The following OPRM1 variants were observed in gnomAD, a reference collection of about 807,000 sequenced individuals.
The protein encoded by OPRM1 is mu-type opioid receptor.
Under a neutral mutation model 31.8 loss-of-function variants are expected in OPRM1, and 27 were observed. The observed-to-expected ratio is 0.85, with a 90% CI of 0.63 to 1.17. The LOEUF (loss-of-function observed/expected upper bound fraction) is 1.17, where lower values mean the gene tolerates loss of function less well. Among genes scored for constraint, OPRM1 ranks in the 50% most tolerant of loss-of-function variants. OPRM1 has a pLI of 0.00. For synonymous variants in OPRM1, 196 were observed against 189.9 expected, an observed-to-expected ratio of 1.03 and a Z score of -0.26; for missense variants, 536 against 511.1, an observed-to-expected ratio of 1.05 and a Z score of -0.47.
At chr6:154,073,197 C>G (rs532900929) in intron 1 of OPRM1, among the ~76,000 whole-genome samples, 3 of 152,252 alleles carry the variant, frequency 2.0e-5, no homozygotes, top group African/African-American at 7.2e-5. Flanking sequence ...ATATAAGCTG[C>G]AGGTAGTGGA....
intron 3 of OPRM1, among the ~76,000 whole-genome samples, chr6:154,139,393 C>T (rs1233771624): frequency 1.3e-5 from 2 of 152,138 alleles, no homozygotes; most frequent in Non-Finnish European, 2.9e-5. Flanking sequence ...AATGGTTTCC[C>T]TTTTGAAAAC....
At chr6:154,199,944 G>A (rs1013851697) in intron 3 of OPRM1, 3 of 1,614,102 alleles carry the variant, frequency 1.9e-6, no homozygotes, top group Admixed American at 1.7e-5. Flanking sequence ...AAGGAGGAAG[G>A]AAAACTGCTG....
intron 1 of OPRM1, among the ~76,000 whole-genome samples, chr6:154,020,806 A>G (rs150256740): frequency 2.4e-4 from 36 of 152,284 alleles, no homozygotes; most frequent in Admixed American, 7.2e-4. Context: ...ATTTTTTCAT[A>G]TGCTTATTTG....
intron 3 of OPRM1, among the ~76,000 whole-genome samples, chr6:154,151,815 A>G (rs1798506103): frequency 6.6e-6 from 1 of 152,048 alleles, no homozygotes; most frequent in South Asian, 2.1e-4. Context: ...TGACTGGAAA[A>G]ACAAGCAGAC....
intron 3 of OPRM1, among the ~76,000 whole-genome samples, chr6:154,241,460 G>A (rs1241505510): frequency 6.6e-6 from 1 of 152,088 alleles, no homozygotes; most frequent in African/African-American, 2.4e-5. Flanking sequence ...GAATCTAAAT[G>A]AAATTCCACC....
chr6:154,170,757 C>A (rs1799807581), intron 3 of OPRM1, among the ~76,000 whole-genome samples: 1 of 152,122 alleles, frequency 6.6e-6, no homozygotes, highest in South Asian at 2.1e-4. Flanking sequence ...CCCTTCACAC[C>A]CAGGGTGGCT....
At chr6:154,217,936 A>C (rs551750885) in intron 3 of OPRM1, among the ~76,000 whole-genome samples, 34 of 152,350 alleles carry the variant, frequency 2.2e-4, no homozygotes, top group Admixed American at 1.3e-4. Context: ...GACAATAAAG[A>C]AAATATTTCT....
chr6:154,148,104 A>G (rs1798404235), intron 3 of OPRM1, among the ~76,000 whole-genome samples: 1 of 152,230 alleles, frequency 6.6e-6, no homozygotes. Flanking sequence ...AGCATGTGAA[A>G]GAACCACATG....
chr6:154,096,789 A>G (rs1447384245), intron 3 of OPRM1, among the ~76,000 whole-genome samples: 1 of 152,136 alleles, frequency 6.6e-6, no homozygotes, highest in Admixed American at 6.5e-5. Context: ...TTCCTACACA[A>G]TGCTACTTTG....
intron 1 of OPRM1, among the ~76,000 whole-genome samples, chr6:154,067,091 G>T (rs2128446154): frequency 6.6e-6 from 1 of 151,918 alleles, no homozygotes; most frequent in Non-Finnish European, 1.5e-5. Context: ...TTAAAGATTT[G>T]CCAATTTTGC....
intron 1 of OPRM1, among the ~76,000 whole-genome samples, chr6:154,023,030 C>T (rs954590888): frequency 6.6e-6 from 1 of 151,968 alleles, no homozygotes; most frequent in Non-Finnish European, 1.5e-5. Flanking sequence ...TTTGGCTATT[C>T]TGGGTCTTCT....
rs1227574547 is a variant in OPRM1 at position 154,122,964 on chromosome 6, G to T, written c.*4243G>T. ...GTCTAAGGTGTTATCCGAGCTCGTT[G>T]TCTCACAACCAAGAAAATTAAGGAG... On this transcript the variant is annotated 3_prime_UTR_variant, in exon 4 of 4. Coordinates refer to ENST00000330432, the MANE Select transcript of OPRM1 (RefSeq NM_000914.5). Among the ~76,000 whole-genome samples the T allele has an allele frequency of 6.6e-6, 1 of 152,150 alleles. No individual in the cohort carries two copies. Among genetic ancestry groups the T allele is most frequent in the Non-Finnish European group, 1.5e-5 (1 of 68,024 alleles).
chr6:154,158,985 A>G (rs1390214664), intron 3 of OPRM1: 3 of 152,190 alleles, frequency 2.0e-5, no homozygotes, highest in African/African-American at 7.2e-5. Flanking sequence ...ATCCTGGGAA[A>G]CCTGGATATA....
chr6:154,022,260 G>C (rs1778419791), intron 1 of OPRM1, among the ~76,000 whole-genome samples: 1 of 152,118 alleles, frequency 6.6e-6, no homozygotes, highest in Non-Finnish European at 1.5e-5. Flanking sequence ...TTAGCCTGGT[G>C]CTGTGGTGTA....
At chr6:154,152,259 G>T (rs1392529707) in intron 3 of OPRM1, among the ~76,000 whole-genome samples, 1 of 116,762 alleles carries the variant, frequency 8.6e-6, no homozygotes, top group Non-Finnish European at 1.7e-5. Flanking sequence ...AGAAAGAAAA[G>T]AAAGAAAGAA....
At chr6:154,106,106 A>G (rs996620243) in intron 3 of OPRM1, among the ~76,000 whole-genome samples, 11 of 152,242 alleles carry the variant, frequency 7.2e-5, no homozygotes, top group Admixed American at 3.3e-4. Context: ...AACCTTCCAC[A>G]GCTTGTTTAA....
chr6:154,100,389 G>A (rs1481291786), intron 3 of OPRM1, among the ~76,000 whole-genome samples: 1 of 151,190 alleles, frequency 6.6e-6, no homozygotes, highest in Non-Finnish European at 1.5e-5. Context: ...AACCCTAACT[G>A]GTGTGAGATA....
intron 3 of OPRM1, among the ~76,000 whole-genome samples, chr6:154,098,409 A>AT (rs766197836): frequency 1.3e-4 from 20 of 152,302 alleles, no homozygotes; most frequent in Non-Finnish European, 2.5e-4. Flanking sequence ...TTTTACAGCC[A>AT]TTTTTTGTAA....
chr6:154,090,863 A>T, intron 2 of OPRM1, 89 bp from the exon 3 acceptor site: 1 of 1,222,958 alleles, frequency 8.2e-7, no homozygotes, highest in Non-Finnish European at 1.2e-6. Flanking sequence ...GGTCAAGGCT[A>T]AAAATGAATG....
Sources: gnomAD v4.1 joint callset for allele counts (sites outside exome capture counted in the v4.1 genomes callset) on GRCh38, gnomAD v4.1.1 for gene constraint, MANE v1.5 for transcripts, NCBI Gene and HGNC (gene_info 2026-07-23, HGNC 2026-07-21) for gene names.